The following INSR variants were observed in gnomAD, a reference collection of about 807,000 sequenced individuals.
The protein encoded by INSR is IR.
A neutral mutation model predicts 142.6 loss-of-function variants in INSR; 67 were observed. The ratio of observed to expected loss-of-function variants is 0.47; its 90% CI spans 0.39 to 0.58. The LOEUF is 0.58. Among genes scored for constraint, INSR ranks in the 20% least tolerant of loss-of-function variants. INSR has a pLI of 0.00. For synonymous variants in INSR, 756 were observed against 743.1 expected (o/e 1.02, Z -0.28); for missense variants, 1,248 against 1,833.2 (o/e 0.68, Z 5.83).
rs1307577628 is a variant in INSR, at chr19:7,159,562, T to C, written c.2029+3470A>G. 1 of 151,480 alleles carries C rather than the reference T, an allele frequency of 6.6e-6. No homozygotes were observed. Among genetic ancestry groups the C allele is most frequent in the Non-Finnish European group, 1.5e-5 (1 of 67,948 alleles). 9.4% of individuals were successfully genotyped at this position (151,480 alleles called of 1,614,324 possible). On this transcript the variant is annotated intron_variant, in intron 9 of 21. Transcript: ENST00000302850. The surrounding 1 kb of genome is among the most constrained non-coding windows in gnomAD (Gnocchi z 4.3). Reference sequence around the variant, plus strand: ...AAAAAAAGGAAGCTTCGAGTGACATTACTGGTGGCAGCTCTCACGGGTGGT... The same window carrying C: ...AAAAAAAGGAAGCTTCGAGTGACATCACTGGTGGCAGCTCTCACGGGTGGT...
At chr19:7,165,812 G>A (rs1485494754) in intron 8 of INSR, among the ~76,000 whole-genome samples, 3 of 150,292 alleles carry the variant, frequency 2.0e-5, no homozygotes, top group African/African-American at 7.4e-5. Context: ...GCAGTGAGCC[G>A]AGATCATGCC....
chr19:7,215,973 G>A (rs963231947), intron 2 of INSR, among the ~76,000 whole-genome samples: 3 of 152,114 alleles, frequency 2.0e-5, no homozygotes, highest in South Asian at 2.1e-4. Context: ...AAATTCCGAC[G>A]GGAATTGAAA....
chr19:7,221,215 A>C (rs1975600782), intron 2 of INSR, among the ~76,000 whole-genome samples: 1 of 151,710 alleles, frequency 6.6e-6, no homozygotes, highest in South Asian at 2.1e-4. Flanking sequence ...TTCTACCAAA[A>C]ACACAAAAAT....
intron 9 of INSR, 27 bp downstream of exon 9, chr19:7,163,005 G>A (rs766846403): frequency 9.3e-6 from 15 of 1,611,848 alleles, no homozygotes; most frequent in East Asian, 2.2e-5. Context: ...AAACCCCACC[G>A]ATCCTAGCAC....
Position 7,142,947 on chromosome 19 carries a change from T to C in INSR, c.2411A>G (p.Lys804Arg), listed in dbSNP as rs1973107713. The change falls in exon 12 of 22, where the codon AAG becomes AGG. Residue 804 changes from lysine (K) to arginine (R), a missense_variant. Lys to Arg is a conservative substitution (Grantham distance 26). Coordinates refer to ENST00000302850, the MANE Select transcript of INSR (RefSeq NM_000208.4). ...EHRPFEKVVNKESLVISGLRH... is the reference protein window; with the variant it reads ...EHRPFEKVVNRESLVISGLRH... ...CAAGCCGGAGATGACCAGCGACTCC[T>C]TGTTCACCACCTTCTCAAAAGGCCT... 3 of 1,614,140 alleles carry C rather than the reference T, an allele frequency of 1.9e-6. No individual in the cohort carries two copies. The highest frequency in any genetic ancestry group is 2.5e-6 in the Non-Finnish European group (3 of 1,180,014).
intron 2 of INSR, among the ~76,000 whole-genome samples, chr19:7,202,288 CTTA>C (rs1431212670): frequency 2.6e-5 from 4 of 152,284 alleles, no homozygotes; most frequent in Non-Finnish European, 4.4e-5. Flanking sequence ...TTCGTCTGTG[CTTA>C]TTATTTCCAA....
At chr19:7,211,808 C>T (rs966852518) in intron 2 of INSR, among the ~76,000 whole-genome samples, 1 of 152,148 alleles carries the variant, frequency 6.6e-6, no homozygotes, top group Non-Finnish European at 1.5e-5. Context: ...CAAGAGGGAA[C>T]GAAAACACTT....
At chr19:7,254,047 G>GAA (rs2145181980) in intron 2 of INSR, among the ~76,000 whole-genome samples, 3 of 125,896 alleles carry the variant, frequency 2.4e-5, no homozygotes, top group Non-Finnish European at 5.0e-5. Flanking sequence ...AAAGAAAAAA[G>GAA]AAAAGAAAAG....
intron 1 of INSR, among the ~76,000 whole-genome samples, chr19:7,279,634 G>A (rs759788237): frequency 3.3e-5 from 5 of 151,756 alleles, no homozygotes; most frequent in Non-Finnish European, 7.4e-5. Flanking sequence ...GCTGGTGGAC[G>A]CAGTGACAAC....
At chr19:7,160,769 G>A (rs533742673) in intron 9 of INSR, among the ~76,000 whole-genome samples, 24 of 152,062 alleles carry the variant, frequency 1.6e-4, no homozygotes, top group African/African-American at 4.3e-4. Flanking sequence ...AGGCTGAGAC[G>A]GGTGGATCAT....
Position 7,166,533 on chromosome 19 carries a change from A to G in INSR, c.1611-129T>C. ...ACTCACCCAACAATCTAATGCCACA[A>G]GAAAAAATAACTCGGGAACAGCCAA... is the stretch of plus-strand genomic sequence containing the variant. On this transcript the variant is annotated intron_variant, in intron 7 of 21. Coordinates refer to ENST00000302850, the MANE Select transcript of INSR (RefSeq NM_000208.4). This position sits in a 1 kb window ranked among gnomAD's most constrained non-coding sequence, Gnocchi z 4.1. The G allele has an allele frequency of 1.0e-6, 1 of 992,704 alleles. No homozygotes were observed. The highest frequency in any genetic ancestry group is 1.5e-6 in the Non-Finnish European group (1 of 656,102). 61.5% of individuals were successfully genotyped at this position (992,704 alleles called of 1,614,324 possible).
intron 2 of INSR, among the ~76,000 whole-genome samples, chr19:7,203,343 T>G (rs1363764935): frequency 6.6e-6 from 1 of 152,204 alleles, no homozygotes; most frequent in Non-Finnish European, 1.5e-5. Context: ...CTTTGCTTAT[T>G]TTTCTCTGTT....
intron 2 of INSR, among the ~76,000 whole-genome samples, chr19:7,262,487 T>C (rs988646069): frequency 6.6e-6 from 1 of 151,892 alleles, no homozygotes; most frequent in Non-Finnish European, 1.5e-5. Context: ...AATAAATAAA[T>C]AAATAAGTTT....
intron 2 of INSR, among the ~76,000 whole-genome samples, chr19:7,247,022 G>T (rs529130240): frequency 8.2e-6 from 1 of 122,274 alleles, no homozygotes; most frequent in Non-Finnish European, 1.5e-5. Context: ...AAATTCCAAG[G>T]TCTGTGTTTC....
chr19:7,217,775 G>A (rs1975481858), intron 2 of INSR, among the ~76,000 whole-genome samples: 2 of 152,204 alleles, frequency 1.3e-5, no homozygotes, highest in Non-Finnish European at 2.9e-5. Context: ...TAGCCAGGAT[G>A]GTCTCGATCT....
intron 1 of INSR, among the ~76,000 whole-genome samples, chr19:7,276,466 C>T (rs893766289): frequency 2.0e-5 from 3 of 151,846 alleles, no homozygotes; most frequent in African/African-American, 4.8e-5. Context: ...TTAAAATGCT[C>T]CCTGCTGACC....
chr19:7,267,915 A>T lies in INSR; in HGVS notation c.101-19T>A. The T allele has an allele frequency of 6.2e-7, 1 of 1,608,638 alleles. No homozygotes were observed. Among genetic ancestry groups the T allele is most frequent in the South Asian group, 1.1e-5 (1 of 90,394 alleles). On this transcript the variant is annotated intron_variant, in intron 1 of 21. Transcript: ENST00000302850. The surrounding 1 kb of genome is among the most constrained non-coding windows in gnomAD (Gnocchi z 6.3). ...GGACACACTACAAGAGAAAATGAAC[A>T]GAAAGCAAGACAGGTGAGCAGACGC...
At chr19:7,153,528 T>C (rs1449382378) in intron 9 of INSR, among the ~76,000 whole-genome samples, 1 of 104,792 alleles carries the variant, frequency 9.5e-6, no homozygotes, top group Non-Finnish European at 2.3e-5. Flanking sequence ...TCAGAGAGGC[T>C]GAGCTGAGAC....
Position 7,152,717 on chromosome 19 carries a change from A to C in INSR, c.2231+9T>G. On this transcript the variant is annotated intron_variant, in intron 10 of 21. Transcript: ENST00000302850. ...CACCCACTAAGAGAGCCCAGCGCCA[A>C]GTCCTGACCTGGGGACGAAAACCAC... 2 of 1,610,616 alleles carry C rather than the reference A, an allele frequency of 1.2e-6. No individual in the cohort carries two copies. Among genetic ancestry groups the C allele is most frequent in the Non-Finnish European group, 1.7e-6 (2 of 1,178,254 alleles).
Sources: allele counts gnomAD v4.1 joint callset (sites outside exome capture counted in the v4.1 genomes callset), GRCh38; gene constraint gnomAD v4.1.1; non-coding constraint Gnocchi (gnomAD v3.1); transcripts MANE v1.5; gene names NCBI Gene and HGNC (gene_info 2026-07-23, HGNC 2026-07-21).